The following ZNF568 variants were observed in gnomAD, a reference collection of about 807,000 sequenced individuals.
ZNF568 encodes zinc finger protein 568, also known as p53 inhibitor of SCO2 activation.
ZNF568 carries 11 observed loss-of-function variants against 18.1 expected under a neutral mutation model. That is an observed-to-expected ratio of 0.61 (90% CI 0.38 to 1.00). The LOEUF is 1.00. Ranked by LOEUF, ZNF568 falls within the 50% of genes least tolerant of loss-of-function variation. The probability of loss-of-function intolerance (pLI) is 0.01; values close to 1 mark genes in which losing one functional copy is unlikely to be tolerated. For synonymous variants in ZNF568, 213 were observed against 246.6 expected (o/e 0.86, Z 1.28); for missense variants, 639 against 768.2 (o/e 0.83, Z 1.99).
At position 36,949,813 on chromosome 19, in the gene ZNF568, C is replaced by G. The variant is rs375279273; in HGVS notation, c.660C>G (p.Thr220=). Reference sequence around the variant, plus strand: ...ACCATTGTGCATCCTATGTTGTAACCCCCTTTAAGTGTAATCAGTGTGGAC... The same window carrying G: ...ACCATTGTGCATCCTATGTTGTAACGCCCTTTAAGTGTAATCAGTGTGGAC... ...PFYHCASYVV[T]PFKCNQCGQD... is the part of the protein sequence containing the mutation. Residue 220 remains threonine (T), a synonymous_variant, in exon 7 of 7, where the codon ACC becomes ACG. Coordinates refer to ENST00000333987, the MANE Select transcript of ZNF568 (RefSeq NM_198539.4). 6.2e-7 allele frequency: 1 copy of G among 1,613,862 alleles called. No individual in the cohort carries two copies. The highest frequency in any genetic ancestry group is 8.5e-7 in the Non-Finnish European group (1 of 1,179,916).
chr19:36,925,691 T>A (rs79294742), intron 4 of ZNF568, among the ~76,000 whole-genome samples: 2,074 of 151,128 alleles, frequency 0.014, 59 homozygotes, highest in African/African-American at 0.048. Flanking sequence ...GAAAAAAAAA[T>A]GGGTGGTTGT....
chr19:36,987,382 T>C (rs954076439), intron 2 of ZNF568, among the ~76,000 whole-genome samples: 1 of 152,220 alleles, frequency 6.6e-6, no homozygotes, highest in African/African-American at 2.4e-5. Flanking sequence ...GGAGAGTCTT[T>C]GCAGAATGAG....
rs2073601014 is a variant in ZNF568 at position 36,927,891 on chromosome 19, ATATATATATATATTTTTTTTTTTTT to A, written c.135+2635_135+2659del. Among the ~76,000 whole-genome samples the A allele has an allele frequency of 7.7e-4, 19 of 24,774 alleles. 1 individual carries two copies. The highest frequency in any genetic ancestry group is 4.6e-3 in the African/African-American group (19 of 4,132). The allele number at this position is 24,774 out of a possible 152,430, so 16.3% of individuals were successfully genotyped here. Reference sequence around the variant, plus strand: ...ATATATATATATATATATATATTATATATATATATATATTTTTTTTTTTTTTTTTTTTTTTTTTTTGGTGATGAAG... The same window carrying A: ...ATATATATATATATATATATATTATATTTTTTTTTTTTTTTGGTGATGAAG... On this transcript the variant is annotated intron_variant, in intron 4 of 6. Coordinates refer to ENST00000333987, the MANE Select transcript of ZNF568 (RefSeq NM_198539.4).
chr19:36,948,600 G>A (rs914119011), intron 6 of ZNF568, among the ~76,000 whole-genome samples: 1 of 146,970 alleles, frequency 6.8e-6, no homozygotes, highest in African/African-American at 2.5e-5. Flanking sequence ...AGGTCCTATT[G>A]CTCTGCAAAC....
At chr19:36,925,165 T>A in intron 3 of ZNF568, 35 bp from the exon 4 acceptor site, 2 of 1,606,440 alleles carry the variant, frequency 1.2e-6, no homozygotes, top group South Asian at 2.2e-5. Flanking sequence ...TGTCTGAAAC[T>A]TTGAAGCAAA....
chr19:36,961,980 T>A (rs1410215678), intron 6 of ZNF568, among the ~76,000 whole-genome samples: 2 of 151,480 alleles, frequency 1.3e-5, no homozygotes, highest in Admixed American at 1.3e-4. Context: ...ATGTTTTTTT[T>A]ATTTTTATAG....
rs949992847 is a variant in ZNF568 at position 36,916,708 on chromosome 19, T to C, written c.-256+117T>C. On this transcript the variant is annotated intron_variant, in intron 1 of 6. Coordinates refer to ENST00000333987, the MANE Select transcript of ZNF568 (RefSeq NM_198539.4). This position sits in a 1 kb window ranked among gnomAD's most constrained non-coding sequence, Gnocchi z 5.3. ...TGATGGGGTGATTGTGATATTTGGT[T>C]GCGCGGGATTATGATGAAATGTGTG... The C allele has an allele frequency of 6.6e-6, 1 of 152,670 alleles. No individual in the cohort carries two copies. Among genetic ancestry groups the C allele is most frequent in the Non-Finnish European group, 1.5e-5 (1 of 68,112 alleles). 9.5% of individuals were successfully genotyped at this position (152,670 alleles called of 1,614,324 possible). A position where few individuals can be genotyped will look rare whatever the true frequency, so the allele number is the denominator to read the frequency against.
chr19:36,944,574 C>T (rs2073932768), intron 6 of ZNF568, among the ~76,000 whole-genome samples: 1 of 151,986 alleles, frequency 6.6e-6, no homozygotes, highest in South Asian at 2.1e-4. Context: ...ACATTTTGGG[C>T]CAGATAATTC....
At chr19:36,987,838 G>GTGTA (rs1472530289) in intron 2 of ZNF568, among the ~76,000 whole-genome samples, 2 of 151,726 alleles carry the variant, frequency 1.3e-5, no homozygotes, top group Non-Finnish European at 2.9e-5. Flanking sequence ...GTGTGTGTGT[G>GTGTA]TGTGTGTGTG....
At position 36,950,696 on chromosome 19, in the gene ZNF568, T is replaced by C. The variant is rs201711551; in HGVS notation, c.1543T>C (p.Ser515Pro). 8.1e-5 allele frequency: 131 copies of C among 1,613,692 alleles called. No individual in the cohort carries two copies. Among genetic ancestry groups the C allele is most frequent in the Non-Finnish European group, 1.1e-4 (130 of 1,179,928 alleles). The change falls in exon 7 of 7, where the codon TCA (serine) becomes CCA (proline). Residue 515 changes from serine (S) to proline (P), a missense_variant. Coordinates refer to ENST00000333987, the MANE Select transcript of ZNF568 (RefSeq NM_198539.4). Reference sequence around the variant, plus strand: ...ATGTGGAAAAGCCTTTAGTCAGAAATCAAACCTCACTGAACATGAGAAAAT... The same window carrying C: ...ATGTGGAAAAGCCTTTAGTCAGAAACCAAACCTCACTGAACATGAGAAAAT... ...TVCGKAFSQK[S>P]NLTEHEKIHT...
At chr19:36,960,370 G>T (rs531782979) in intron 6 of ZNF568, among the ~76,000 whole-genome samples, 1 of 151,672 alleles carries the variant, frequency 6.6e-6, no homozygotes, top group Non-Finnish European at 1.5e-5. Context: ...CACCCGCCTC[G>T]GCCTCCCAAA....
At chr19:36,936,698 A>G (rs1389662320) in intron 4 of ZNF568, 48 bp from the exon 5 acceptor site, 39 of 1,579,248 alleles carry the variant, frequency 2.5e-5, no homozygotes, top group Non-Finnish European at 3.1e-5. Flanking sequence ...TGTGATCACA[A>G]TGCCTAATTT....
chr19:36,936,743 C>CT lies in ZNF568; in HGVS notation c.136-3_136-2insT. 6.2e-7 allele frequency: 1 copy of CT among 1,610,158 alleles called. No homozygotes were observed. The highest frequency in any genetic ancestry group is 1.1e-5 in the South Asian group (1 of 90,716). Reference sequence around the variant, plus strand: ...CAAATTAATTAGCATTATGTTTTTACAGGAAACAGTGACATTTAAGGATGT... The same window carrying CT: ...CAAATTAATTAGCATTATGTTTTTACTAGGAAACAGTGACATTTAAGGATGT... On this transcript the variant is annotated splice_region_variant and splice_polypyrimidine_tract_variant and intron_variant, in intron 4 of 6. Coordinates refer to ENST00000333987, the MANE Select transcript of ZNF568 (RefSeq NM_198539.4).
intron 6 of ZNF568, among the ~76,000 whole-genome samples, chr19:36,963,214 A>C (rs948817700): frequency 2.0e-5 from 3 of 148,396 alleles, no homozygotes; most frequent in Non-Finnish European, 4.4e-5. Flanking sequence ...CTCTTGGATA[A>C]ATACCAAGGA....
At chr19:36,921,633 T>A (rs973412349) in intron 2 of ZNF568, among the ~76,000 whole-genome samples, 16 of 150,884 alleles carry the variant, frequency 1.1e-4, no homozygotes, top group Admixed American at 4.6e-4. Context: ...TTACATATAT[T>A]TTTTTTTTAC....
chr19:36,975,217 G>A (rs1299998142), intron 7 of ZNF568, among the ~76,000 whole-genome samples: 6 of 141,602 alleles, frequency 4.2e-5, no homozygotes, highest in South Asian at 2.3e-4. Flanking sequence ...GCACAATCTC[G>A]GCTCACTGCA....
intron 7 of ZNF568, among the ~76,000 whole-genome samples, chr19:36,975,122 C>T (rs557603271): frequency 4.7e-5 from 7 of 149,880 alleles, no homozygotes; most frequent in East Asian, 2.0e-4. Context: ...CCATCTTGCA[C>T]GGCCCGCTTA....
intron 7 of ZNF568, among the ~76,000 whole-genome samples, chr19:36,975,170 A>C (rs1600845758): frequency 2.4e-5 from 2 of 82,364 alleles, no homozygotes; most frequent in Admixed American, 1.3e-4. Context: ...TTTTTTTGAG[A>C]CCGAGTTTCC....
At chr19:36,996,527 A>G (rs1600866141) in exon 5 of ZNF568, 1 of 1,536,224 alleles carries the variant, frequency 6.5e-7, no homozygotes, top group East Asian at 2.4e-5. Flanking sequence ...CAGTGGCTTC[A>G]TACTGGAGAG....
Sources: gnomAD v4.1 joint callset for allele counts (sites outside exome capture counted in the v4.1 genomes callset) on GRCh38, gnomAD v4.1.1 for gene constraint, Gnocchi (gnomAD v3.1) non-coding constraint, MANE v1.5 for transcripts, NCBI Gene and HGNC (gene_info 2026-07-23, HGNC 2026-07-21) for gene names.